Variants in EIF3E observed in about 807,000 individuals in gnomAD.
EIF3E encodes eIF-3 p48.
EIF3E carries 25 observed loss-of-function variants against 59.3 expected under a neutral mutation model. The ratio of observed to expected loss-of-function variants is 0.42; its 90% CI spans 0.31 to 0.59. EIF3E has a LOEUF of 0.59. EIF3E is among the 20% of genes least tolerant of loss of function. The pLI is 0.15. For synonymous variants in EIF3E, 176 were observed against 170.2 expected (o/e 1.03, Z -0.26); for missense variants, 317 against 534.3 (o/e 0.59, Z 4.01).
chr8:108,240,164 A>G, intron 2 of EIF3E, 89 bp from the exon 3 acceptor site: 2 of 1,009,972 alleles, frequency 2.0e-6, no homozygotes, highest in Non-Finnish European at 3.2e-6. Context: ...TTTTCAGTGT[A>G]TTTAAACTAT....
chr8:108,217,274 G>A, intron 8 of EIF3E, 60 bp downstream of exon 8: 1 of 1,287,508 alleles, frequency 7.8e-7, no homozygotes, highest in South Asian at 1.6e-5. Flanking sequence ...CTTAGAAAAA[G>A]AGGTTAGACC....
intron 8 of EIF3E, 39 bp downstream of exon 8, chr8:108,217,295 G>T: frequency 7.1e-7 from 1 of 1,410,324 alleles, no homozygotes; most frequent in Non-Finnish European, 9.3e-7. Context: ...TAAAGCTTAG[G>T]TATTTAAAAA....
chr8:108,204,746 T>TATATATATATATATATATATAG (rs1354950271), intron 10 of EIF3E, among the ~76,000 whole-genome samples: 5 of 113,684 alleles, frequency 4.4e-5, no homozygotes, highest in Non-Finnish European at 7.0e-5. Flanking sequence ...TATATATATA[T>TATATATATATATATATATATAG]AGAGAGAGAG....
chr8:108,234,634 A>T (rs1265065049), intron 5 of EIF3E: 1 of 155,920 alleles, frequency 6.4e-6, no homozygotes, highest in Non-Finnish European at 1.4e-5. Context: ...TAAATCAGGA[A>T]TAATGGATTT....
chr8:108,248,345 T>C (rs1415795659), intron 1 of EIF3E, among the ~76,000 whole-genome samples: 1 of 152,034 alleles, frequency 6.6e-6, no homozygotes, highest in East Asian at 1.9e-4. Flanking sequence ...GAAGAAATGA[T>C]GCGAAAATCC....
intron 5 of EIF3E, chr8:108,233,607 T>C: frequency 2.8e-6 from 1 of 354,116 alleles, no homozygotes. Context: ...ATTGAAAGGC[T>C]GAGGAGGGAG....
At chr8:108,202,077 T>A (rs1358028811) in intron 12 of EIF3E, among the ~76,000 whole-genome samples, 154 bp from the exon 13 acceptor site, 1 of 152,072 alleles carries the variant, frequency 6.6e-6, no homozygotes, top group East Asian at 1.9e-4. Flanking sequence ...AGATGTCAGA[T>A]GTCCCACTCA....
intron 9 of EIF3E, among the ~76,000 whole-genome samples, chr8:108,215,875 A>C (rs1261388929): frequency 6.6e-6 from 1 of 152,202 alleles, no homozygotes; most frequent in African/African-American, 2.4e-5. Flanking sequence ...CTCTAAAGGT[A>C]CTTTAATTTC....
chr8:108,217,016 C>T lies in EIF3E; in HGVS notation c.849+318G>A, dbSNP rs546279086. Among the ~76,000 whole-genome samples the T allele has an allele frequency of 3.9e-5, 6 of 152,222 alleles. No individual in the cohort carries two copies. In the East Asian group the frequency reaches 9.7e-4, roughly 25 times the overall value. On this transcript the variant is annotated intron_variant, in intron 8 of 12. Transcript: ENST00000220849. ...TAAAGTTCACCCATGTAGAATTACA[C>T]AGGTAATGACCCCCACCTCCAGGTT...
intron 3 of EIF3E, among the ~76,000 whole-genome samples, chr8:108,239,124 T>C (rs1586209610): frequency 6.6e-6 from 1 of 152,176 alleles, no homozygotes; most frequent in Non-Finnish European, 1.5e-5. Flanking sequence ...CAGGTTTCTC[T>C]TATAACGAGA....
chr8:108,206,463 G>A (rs1291932026), intron 10 of EIF3E, among the ~76,000 whole-genome samples: 3 of 152,158 alleles, frequency 2.0e-5, no homozygotes, highest in African/African-American at 7.2e-5. Flanking sequence ...AGATTTTTAA[G>A]ACCATAGAGT....
intron 3 of EIF3E, among the ~76,000 whole-genome samples, chr8:108,238,505 C>T (rs1056782607): frequency 5.3e-5 from 8 of 152,118 alleles, no homozygotes; most frequent in Admixed American, 2.6e-4. Flanking sequence ...AGTTGTTACA[C>T]TGTAGTTTTA....
At chr8:108,206,889 T>C (rs1472136457) in intron 10 of EIF3E, among the ~76,000 whole-genome samples, 2 of 152,198 alleles carry the variant, frequency 1.3e-5, no homozygotes, top group African/African-American at 4.8e-5. Flanking sequence ...ATTCTAAGAC[T>C]CATTCCAACA....
In EIF3E at chr8:108,241,866, A is replaced by G; in HGVS notation, c.138T>C (p.Ser46=). Residue 46 remains serine, a synonymous_variant, in exon 2 of 13, where the codon AGT becomes AGC. Coordinates refer to ENST00000220849, the MANE Select transcript of EIF3E (RefSeq NM_001568.3). ...ELLQGKLDLL[S]DTNMVDFAMD... ...TAGCAAAGTCTACCATGTTGGTATC[A>G]CTAAGAAGGTCCAATTTACCTTGTA... 1 of 1,602,162 alleles carries G rather than the reference A, an allele frequency of 6.2e-7. No individual in the cohort carries two copies. The highest frequency in any genetic ancestry group is 8.5e-7 in the Non-Finnish European group (1 of 1,176,814).
Position 108,241,841 on chromosome 8 carries a change from T to C in EIF3E, c.163A>G (p.Met55Val), listed in dbSNP as rs1815842239. 2 of 1,601,516 alleles carry C rather than the reference T, an allele frequency of 1.2e-6. No individual in the cohort carries two copies. The highest frequency in any genetic ancestry group is 1.7e-6 in the Non-Finnish European group (2 of 1,176,780). ...GAATAAAGGTTTTTGTATACATCCA[T>C]AGCAAAGTCTACCATGTTGGTATCA... Reference protein sequence around the residue: ...LSDTNMVDFAMDVYKNLYSDD... With the variant: ...LSDTNMVDFAVDVYKNLYSDD... Residue 55 changes from methionine (M) to valine (V), a missense_variant, in exon 2 of 13, where the codon ATG becomes GTG. Physicochemically the swap from Met to Val is conservative, Grantham distance 21 (BLOSUM62 1). This residue lies in a region of EIF3E where 242 missense variants were observed against 398.0 expected (regional missense o/e 0.61). Transcript: ENST00000220849.
Position 108,204,731 on chromosome 8 carries a change from GTA to G in EIF3E, c.1062-1230_1062-1229del, listed in dbSNP as rs148053969. On this transcript the variant is annotated intron_variant, in intron 10 of 12. Coordinates refer to ENST00000220849, the MANE Select transcript of EIF3E (RefSeq NM_001568.3). ...GCTATATACTATATATAGTATGTAT[GTA>G]TATATATATATATAGAGAGAGAGAG... is the stretch of plus-strand genomic sequence containing the variant. 5.8e-3 allele frequency among the ~76,000 whole-genome samples: 506 copies of G among 86,782 alleles called. 5 individuals are homozygous for G. The highest frequency in any genetic ancestry group is 0.017 in the African/African-American group (438 of 26,108). The allele number at this position is 86,782 out of a possible 152,430, so 56.9% of individuals were successfully genotyped here. A position where few individuals can be genotyped will look rare whatever the true frequency, so the allele number is the denominator to read the frequency against.
At chr8:108,212,900 T>A (rs981486824) in intron 10 of EIF3E, among the ~76,000 whole-genome samples, 5 of 151,528 alleles carry the variant, frequency 3.3e-5, no homozygotes, top group African/African-American at 9.7e-5. Flanking sequence ...AGAACTGAAG[T>A]GAAAGAAAAT....
At chr8:108,205,709 G>A (rs984631921) in intron 10 of EIF3E, among the ~76,000 whole-genome samples, 16 of 152,066 alleles carry the variant, frequency 1.1e-4, no homozygotes, top group Admixed American at 3.9e-4. Flanking sequence ...TACGCTACCC[G>A]CCCATCAGTT....
intron 10 of EIF3E, among the ~76,000 whole-genome samples, chr8:108,211,214 CAGTGTAAA>C: frequency 6.6e-6 from 1 of 152,284 alleles, no homozygotes; most frequent in African/African-American, 2.4e-5. Context: ...GTCCCACCAA[CAGTGTAAA>C]AGTGTTCCTA....
Sources: gnomAD v4.1 joint callset for allele counts (sites outside exome capture counted in the v4.1 genomes callset) on GRCh38, gnomAD v4.1.1 for gene constraint, gnomAD v4.1.1 regional missense constraint, MANE v1.5 for transcripts, NCBI Gene and HGNC (gene_info 2026-07-23, HGNC 2026-07-21) for gene names.